The following MED27 variants were observed in gnomAD, a reference collection of about 807,000 sequenced individuals.
MED27 encodes the protein mediator of RNA polymerase II transcription subunit 27.
A neutral mutation model predicts 38.2 loss-of-function variants in MED27; 30 were observed. That is an observed-to-expected ratio of 0.79 (90% CI 0.59 to 1.07). MED27 has a LOEUF of 1.07. Among genes scored for constraint, MED27 ranks in the 50% least tolerant of loss-of-function variants. The probability of loss-of-function intolerance (pLI) is 0.00; values close to 1 mark genes in which losing one functional copy is unlikely to be tolerated. For synonymous variants in MED27, 122 were observed against 153.5 expected, an observed-to-expected ratio of 0.79 and a Z score of 1.52; for missense variants, 289 against 397.5, an observed-to-expected ratio of 0.73 and a Z score of 2.32.
At chr9:131,984,548 G>A (rs571048620) in intron 3 of MED27, among the ~76,000 whole-genome samples, 15 of 152,222 alleles carry the variant, frequency 9.9e-5, no homozygotes, top group South Asian at 6.2e-4. Context: ...AGAGAACAGC[G>A]GAACAGAGCG....
chr9:132,063,582 C>T (rs990786507), intron 2 of MED27, among the ~76,000 whole-genome samples: 3 of 152,180 alleles, frequency 2.0e-5, no homozygotes, highest in Admixed American at 6.5e-5. Flanking sequence ...AAAATTAACA[C>T]GGACTGTTCT....
intron 4 of MED27, among the ~76,000 whole-genome samples, chr9:131,929,421 G>T (rs569522500): frequency 4.7e-4 from 71 of 152,276 alleles, no homozygotes; most frequent in Middle Eastern, 6.8e-3. Flanking sequence ...TGGGCTCTTG[G>T]GGTCCCTGAG....
intron 6 of MED27, among the ~76,000 whole-genome samples, chr9:131,877,272 T>C (rs1415916390): frequency 6.6e-6 from 1 of 152,066 alleles, no homozygotes; most frequent in Non-Finnish European, 1.5e-5. Context: ...TGTTAGAAAC[T>C]GAAAATAACG....
intron 3 of MED27, among the ~76,000 whole-genome samples, chr9:131,967,485 C>CT (rs560957988): frequency 0.036 from 5,158 of 141,324 alleles, 275 homozygotes; most frequent in African/African-American, 0.12. Flanking sequence ...TCTCATGAAT[C>CT]TTTTTTTTTT....
chr9:131,893,951 C>T lies in MED27; in HGVS notation c.615G>A (p.Arg205=), dbSNP rs1252638363. 6.2e-7 allele frequency: 1 copy of T among 1,614,216 alleles called. No individual in the cohort carries two copies. The highest frequency in any genetic ancestry group is 1.1e-5 in the South Asian group (1 of 91,078). Residue 205 remains arginine, a synonymous_variant, in exon 5 of 8, where the codon CGG becomes CGA. Coordinates refer to ENST00000292035, the MANE Select transcript of MED27 (RefSeq NM_004269.4). ...CTATTGTTCGATCAATGAACAGGCT[C>T]CGCATGACGACGATCACTTTCAACA... ...GKVLKVIVVM[R]SLFIDRTIVK... is the part of the protein sequence containing the mutation.
At chr9:131,869,414 A>G in intron 6 of MED27, 2 of 969,812 alleles carry the variant, frequency 2.1e-6, no homozygotes, top group Non-Finnish European at 2.4e-6. Flanking sequence ...AAAATCTGCT[A>G]TTAACTAATT....
intron 3 of MED27, among the ~76,000 whole-genome samples, chr9:131,993,315 G>A (rs1206204142): frequency 5.3e-5 from 8 of 152,096 alleles, no homozygotes; most frequent in Non-Finnish European, 1.0e-4. Flanking sequence ...GAATACTAGG[G>A]GAAGGGGGAG....
rs1838659314 is a variant in MED27 at position 131,861,960 on chromosome 9, A to G, written c.801+1103T>C. Among the ~76,000 whole-genome samples the G allele has an allele frequency of 6.6e-6, 1 of 152,134 alleles. No homozygotes were observed. Among genetic ancestry groups the G allele is most frequent in the Non-Finnish European group, 1.5e-5 (1 of 68,022 alleles). On this transcript the variant is annotated intron_variant, in intron 7 of 7. Coordinates refer to ENST00000292035, the MANE Select transcript of MED27 (RefSeq NM_004269.4). The surrounding 1 kb of genome is among the most constrained non-coding windows in gnomAD (Gnocchi z 4.4). ...ATCCCACAGTCAGTTACCAAAGGGAAAGGGGGCATTACAACGTGTTAGGCT... is the reference window on the plus strand; with the variant it reads ...ATCCCACAGTCAGTTACCAAAGGGAGAGGGGGCATTACAACGTGTTAGGCT...
intron 3 of MED27, among the ~76,000 whole-genome samples, 198 bp from the exon 4 acceptor site, chr9:131,939,672 T>C (rs1174676975): frequency 4.6e-5 from 7 of 152,218 alleles, no homozygotes; most frequent in Non-Finnish European, 8.8e-5. Flanking sequence ...TAGTTCTTGA[T>C]TTTTCATTTT....
intron 2 of MED27, among the ~76,000 whole-genome samples, chr9:132,022,396 C>A (rs939564427): frequency 6.6e-6 from 1 of 152,162 alleles, no homozygotes; most frequent in African/African-American, 2.4e-5. Flanking sequence ...CTTTATATTT[C>A]TACCAGAAAT....
chr9:131,937,825 C>T (rs992937601), intron 4 of MED27, among the ~76,000 whole-genome samples: 3 of 137,982 alleles, frequency 2.2e-5, no homozygotes, highest in Non-Finnish European at 4.7e-5. Flanking sequence ...TTAACTGAGG[C>T]AGACTTTTTT....
At chr9:132,078,014 A>G (rs946511370) in intron 1 of MED27, among the ~76,000 whole-genome samples, 4 of 152,248 alleles carry the variant, frequency 2.6e-5, no homozygotes, top group African/African-American at 9.6e-5. Flanking sequence ...ATGATTATTT[A>G]TCATTCACAT....
At chr9:131,920,329 T>C (rs1444505519) in intron 4 of MED27, among the ~76,000 whole-genome samples, 1 of 152,242 alleles carries the variant, frequency 6.6e-6, no homozygotes, top group African/African-American at 2.4e-5. Flanking sequence ...TATTTCAGGC[T>C]CATTTAATAA....
intron 3 of MED27, among the ~76,000 whole-genome samples, chr9:131,958,345 T>C (rs552856708): frequency 1.4e-4 from 22 of 151,824 alleles, no homozygotes; most frequent in Non-Finnish European, 2.4e-4. Context: ...TCCCGAGTTC[T>C]AGCGATTCTC....
At chr9:131,922,350 T>C (rs1358017068) in intron 4 of MED27, among the ~76,000 whole-genome samples, 1 of 151,984 alleles carries the variant, frequency 6.6e-6, no homozygotes, top group African/African-American at 2.4e-5. Context: ...CTGTATTCAA[T>C]GGACTGTAAT....
At chr9:131,871,200 G>A (rs145662657) in intron 6 of MED27, among the ~76,000 whole-genome samples, 133 of 152,244 alleles carry the variant, frequency 8.7e-4, no homozygotes, top group African/African-American at 3.1e-3. Flanking sequence ...CCCCACATTC[G>A]GTATGCAGCA....
chr9:132,057,325 T>C (rs1833602503), intron 2 of MED27, among the ~76,000 whole-genome samples: 1 of 152,162 alleles, frequency 6.6e-6, no homozygotes, highest in Non-Finnish European at 1.5e-5. Flanking sequence ...CAAACCAATC[T>C]AGTCTAGATT....
chr9:132,061,014 T>C (rs1833685520), intron 2 of MED27, among the ~76,000 whole-genome samples: 1 of 152,218 alleles, frequency 6.6e-6, no homozygotes, highest in Non-Finnish European at 1.5e-5. Context: ...GTTTTAAGTT[T>C]CTTTTCATCT....
intron 3 of MED27, among the ~76,000 whole-genome samples, chr9:131,950,552 A>G (rs1175883142): frequency 6.6e-6 from 1 of 152,174 alleles, no homozygotes; most frequent in Non-Finnish European, 1.5e-5. Flanking sequence ...GAGAATCTAC[A>G]TGGTAGATTT....
Sources: gnomAD v4.1 joint callset for allele counts (sites outside exome capture counted in the v4.1 genomes callset) on GRCh38, gnomAD v4.1.1 for gene constraint, Gnocchi (gnomAD v3.1) non-coding constraint, MANE v1.5 for transcripts, NCBI Gene and HGNC (gene_info 2026-07-23, HGNC 2026-07-21) for gene names.